The following GRM8 variants were observed in gnomAD, a reference collection of about 807,000 sequenced individuals.
GRM8 encodes the protein glutamate metabotropic receptor 8.
A neutral mutation model predicts 87.2 loss-of-function variants in GRM8; 47 were observed. The observed-to-expected ratio is 0.54, with a 90% CI of 0.43 to 0.69. GRM8 has a LOEUF of 0.69. Among genes scored for constraint, GRM8 ranks in the 30% least tolerant of loss-of-function variants. The pLI is 0.00. For synonymous variants in GRM8, 396 were observed against 404.5 expected (o/e 0.98, Z 0.25); for missense variants, 1,019 against 1,139.2 (o/e 0.89, Z 1.52).
At chr7:126,528,590 C>A (rs575798300) in intron 9 of GRM8, among the ~76,000 whole-genome samples, 6 of 149,276 alleles carry the variant, frequency 4.0e-5, no homozygotes, top group Non-Finnish European at 8.9e-5. Flanking sequence ...TACAAAAAAA[C>A]ACACCATACA....
rs377563974 is a variant in GRM8 at position 126,455,981 on chromosome 7, T to C, written c.2431-9609A>G. On this transcript the variant is annotated intron_variant, in intron 9 of 10. Coordinates refer to ENST00000339582, the MANE Select transcript of GRM8 (RefSeq NM_000845.3). ...TGTGGAATTAAAATTATTGTTATCT[T>C]AGAGAAGTTTTGAAAAAAAAATAAC... is the stretch of plus-strand genomic sequence containing the variant. Among the ~76,000 whole-genome samples the C allele has an allele frequency of 5.7e-4, 87 of 151,466 alleles. 1 individual carries two copies. The highest frequency in any genetic ancestry group is 2.0e-3 in the African/African-American group (82 of 41,340).
At chr7:127,251,087 T>G (rs1054445212) in intron 1 of GRM8, 9 of 152,294 alleles carry the variant, frequency 5.9e-5, no homozygotes, top group Middle Eastern at 6.8e-3. Context: ...AAATGGCAAA[T>G]AAGGCACTCC....
intron 6 of GRM8, among the ~76,000 whole-genome samples, chr7:126,886,531 A>G (rs1800516905): frequency 6.6e-6 from 1 of 152,162 alleles, no homozygotes; most frequent in Admixed American, 6.6e-5. Flanking sequence ...CAAGAAGACA[A>G]AAGAAGAGGG....
chr7:126,979,294 G>A (rs538670567), intron 3 of GRM8, among the ~76,000 whole-genome samples: 82 of 152,238 alleles, frequency 5.4e-4, no homozygotes, highest in African/African-American at 2.0e-3. Context: ...GCCTAAGCAA[G>A]CTATAACCAG....
chr7:127,007,284 T>C (rs1482336871), intron 3 of GRM8, among the ~76,000 whole-genome samples: 1 of 151,990 alleles, frequency 6.6e-6, no homozygotes, highest in African/African-American at 2.4e-5. Context: ...CCCCTCACCT[T>C]TTTAAAACTA....
intron 2 of GRM8, among the ~76,000 whole-genome samples, chr7:127,152,704 T>C (rs1281511014): frequency 6.6e-6 from 1 of 152,120 alleles, no homozygotes; most frequent in Admixed American, 6.6e-5. Flanking sequence ...AGAGTGTAGG[T>C]ATTATGATAC....
At chr7:126,665,439 T>TG (rs1464485440) in intron 7 of GRM8, among the ~76,000 whole-genome samples, 10 of 152,194 alleles carry the variant, frequency 6.6e-5, no homozygotes, top group African/African-American at 2.4e-4. Context: ...AATGAAGTCA[T>TG]GTCCTTTGCA....
chr7:126,849,462 A>G (rs574027722), intron 6 of GRM8, among the ~76,000 whole-genome samples: 1 of 152,162 alleles, frequency 6.6e-6, no homozygotes, highest in African/African-American at 2.4e-5. Context: ...CATCTCCTAC[A>G]TTTCCTATTA....
intron 8 of GRM8, among the ~76,000 whole-genome samples, chr7:126,560,934 C>T (rs1399160899): frequency 1.3e-5 from 2 of 152,174 alleles, no homozygotes; most frequent in Admixed American, 6.5e-5. Context: ...TTTCAATCCT[C>T]TCTTTAATTT....
At chr7:127,119,018 G>A (rs1275489003) in intron 2 of GRM8, among the ~76,000 whole-genome samples, 3 of 152,210 alleles carry the variant, frequency 2.0e-5, no homozygotes, top group Non-Finnish European at 4.4e-5. Flanking sequence ...CTTCTGGGGA[G>A]GGGGGCCTCC....
At chr7:126,981,586 T>C (rs530883760) in intron 3 of GRM8, 1 of 152,294 alleles carries the variant, frequency 6.6e-6, no homozygotes, top group Admixed American at 6.5e-5. Context: ...AATCCATGGA[T>C]AGACTAATCT....
chr7:127,130,492 C>A (rs894309339), intron 2 of GRM8, among the ~76,000 whole-genome samples: 1 of 152,178 alleles, frequency 6.6e-6, no homozygotes, highest in African/African-American at 2.4e-5. Flanking sequence ...TTATTGAGAA[C>A]TGGAGTACAG....
At chr7:127,052,707 C>T (rs949911564) in intron 3 of GRM8, among the ~76,000 whole-genome samples, 8 of 152,172 alleles carry the variant, frequency 5.3e-5, no homozygotes, top group Non-Finnish European at 7.3e-5. Flanking sequence ...ATCTCCTTAT[C>T]GCTCACCCCA....
intron 6 of GRM8, among the ~76,000 whole-genome samples, chr7:126,830,320 C>T (rs895249213): frequency 2.0e-5 from 3 of 152,214 alleles, no homozygotes; most frequent in African/African-American, 7.2e-5. Flanking sequence ...TTCCATTCTC[C>T]CTGTCACTTT....
chr7:127,086,026 A>T (rs1459951146), intron 3 of GRM8, among the ~76,000 whole-genome samples: 1 of 152,204 alleles, frequency 6.6e-6, no homozygotes, highest in Non-Finnish European at 1.5e-5. Context: ...GGCCCTCTGG[A>T]TCATAAAATC....
At chr7:126,782,507 A>C (rs1820193055) in intron 6 of GRM8, among the ~76,000 whole-genome samples, 1 of 152,218 alleles carries the variant, frequency 6.6e-6, no homozygotes, top group Non-Finnish European at 1.5e-5. Context: ...AATTAAAAGC[A>C]TTGAAGGAAT....
At chr7:126,718,762 A>G (rs1168065294) in intron 7 of GRM8, among the ~76,000 whole-genome samples, 1 of 152,034 alleles carries the variant, frequency 6.6e-6, no homozygotes, top group Non-Finnish European at 1.5e-5. Context: ...CTGCACTATT[A>G]TATGTTCGTG....
intron 8 of GRM8, among the ~76,000 whole-genome samples, chr7:126,547,751 A>G (rs1817318680): frequency 6.6e-6 from 1 of 152,128 alleles, no homozygotes. Flanking sequence ...GAATGAAAGT[A>G]TATGAAATTC....
At chr7:126,760,770 A>T (rs567803822) in intron 7 of GRM8, among the ~76,000 whole-genome samples, 12 of 152,170 alleles carry the variant, frequency 7.9e-5, no homozygotes, top group Non-Finnish European at 1.8e-4. Context: ...CAGATAATCA[A>T]TCATATTTGA....
Sources: gnomAD v4.1 joint callset for allele counts (sites outside exome capture counted in the v4.1 genomes callset) on GRCh38, gnomAD v4.1.1 for gene constraint, MANE v1.5 for transcripts, NCBI Gene and HGNC (gene_info 2026-07-23, HGNC 2026-07-21) for gene names.